LRP1B: variants seen among roughly 807,000 people sequenced by gnomAD.
The protein encoded by LRP1B is LDL receptor related protein 1B, also known as low-density lipoprotein receptor-related protein 1B.
A neutral mutation model predicts 556.6 loss-of-function variants in LRP1B; 217 were observed. The observed-to-expected ratio is 0.39, with a 90% CI of 0.35 to 0.44. The LOEUF (loss-of-function observed/expected upper bound fraction) is 0.44. Among genes scored for constraint, LRP1B ranks in the 20% least tolerant of loss-of-function variants. The pLI is 1.00. For synonymous variants in LRP1B, 2,047 were observed against 1,865.8 expected (o/e 1.10, Z -2.50); for missense variants, 5,053 against 5,620.8 (o/e 0.90, Z 3.23).
At position 141,314,355 on chromosome 2, in the gene LRP1B, A is replaced by G. The variant is rs147526955; in HGVS notation, c.344-59714T>C. Among the ~76,000 whole-genome samples, 3 of 152,316 alleles carry G rather than the reference A, an allele frequency of 2.0e-5. No individual in the cohort carries two copies. In the East Asian group the frequency reaches 5.8e-4, roughly 29 times the overall value. ...ATAATTTCATAGTCACCACTCTTCC[A>G]TATAATTTTAAATGAATTACATTTT... On this transcript the variant is annotated intron_variant, in intron 3 of 90. Coordinates refer to ENST00000389484, the MANE Select transcript of LRP1B (RefSeq NM_018557.3).
rs146851713 is a variant in LRP1B at position 141,568,319 on chromosome 2, A to G, written c.206-87786T>C. Among the ~76,000 whole-genome samples, 156 of 151,292 alleles carry G rather than the reference A, an allele frequency of 1.0e-3. 4 individuals carry two copies. The highest frequency in any genetic ancestry group is 3.5e-3 in the African/African-American group (147 of 41,518). ...AATTAAAAAAATCACTATGCATATG[A>G]CTATTTAAAAAGGAAGGTTAGAGCC... On this transcript the variant is annotated intron_variant, in intron 2 of 90. Transcript: ENST00000389484.
chr2:140,663,441 C>T (rs1685165249), intron 41 of LRP1B, among the ~76,000 whole-genome samples: 1 of 152,172 alleles, frequency 6.6e-6, no homozygotes. Flanking sequence ...AAACTTACTG[C>T]AGCTTCTACA....
chr2:140,513,118 C>T (rs1018538171), intron 51 of LRP1B, among the ~76,000 whole-genome samples: 2 of 151,990 alleles, frequency 1.3e-5, no homozygotes, highest in African/African-American at 4.8e-5. Context: ...ATATAGTGTA[C>T]ATTGGTTATG....
chr2:141,227,898 C>T (rs1014848226), intron 6 of LRP1B, among the ~76,000 whole-genome samples: 3 of 151,872 alleles, frequency 2.0e-5, no homozygotes, highest in Non-Finnish European at 2.9e-5. Flanking sequence ...TCTTCTTTTC[C>T]GCTTGATTGT....
intron 20 of LRP1B, among the ~76,000 whole-genome samples, chr2:140,931,716 TTTAG>T (rs1450411248): frequency 3.3e-5 from 5 of 152,212 alleles, no homozygotes; most frequent in Middle Eastern, 3.4e-3. Flanking sequence ...AAAACATTGA[TTTAG>T]TTAATTAAAA....
At chr2:140,879,437 T>C (rs1693406469) in intron 25 of LRP1B, among the ~76,000 whole-genome samples, 1 of 152,160 alleles carries the variant, frequency 6.6e-6, no homozygotes, top group South Asian at 2.1e-4. Flanking sequence ...GTGATCACTA[T>C]GAGACTAAAA....
chr2:140,769,156 T>A (rs1559107749), intron 35 of LRP1B, 57 bp downstream of exon 35: 1 of 1,478,110 alleles, frequency 6.8e-7, no homozygotes, highest in Non-Finnish European at 9.4e-7. Flanking sequence ...ATTCCCATCA[T>A]GTTTAATAAA....
chr2:140,894,857 C>T (rs1439445871), intron 23 of LRP1B, among the ~76,000 whole-genome samples: 1 of 151,622 alleles, frequency 6.6e-6, no homozygotes, highest in Non-Finnish European at 1.5e-5. Context: ...GGACGAGAAT[C>T]ACTTGAACCT....
At chr2:141,029,621 C>T (rs1352238845) in intron 11 of LRP1B, among the ~76,000 whole-genome samples, 1 of 152,066 alleles carries the variant, frequency 6.6e-6, no homozygotes, top group African/African-American at 2.4e-5. Context: ...AGCTGTGGCA[C>T]AACTCCCTGC....
intron 7 of LRP1B, among the ~76,000 whole-genome samples, chr2:141,108,190 A>G (rs1236926670): frequency 1.3e-5 from 2 of 152,038 alleles, no homozygotes; most frequent in Admixed American, 1.3e-4. Flanking sequence ...TTCTTATATC[A>G]GAACTACAAA....
At chr2:141,077,401 C>T (rs1026069041) in intron 7 of LRP1B, among the ~76,000 whole-genome samples, 6 of 152,118 alleles carry the variant, frequency 3.9e-5, no homozygotes, top group African/African-American at 1.4e-4. Context: ...AGAATTCTTC[C>T]TGTAAAGGTC....
At chr2:141,923,981 T>C (rs953056028) in intron 1 of LRP1B, among the ~76,000 whole-genome samples, 3 of 151,986 alleles carry the variant, frequency 2.0e-5, no homozygotes, top group African/African-American at 7.2e-5. Context: ...GCTATTGATA[T>C]GGACAGGAGA....
At chr2:141,434,228 G>C (rs1445392416) in intron 3 of LRP1B, among the ~76,000 whole-genome samples, 3 of 152,112 alleles carry the variant, frequency 2.0e-5, no homozygotes, top group African/African-American at 7.2e-5. Flanking sequence ...TTATGGGTAT[G>C]TTGGTGCAGT....
At chr2:140,918,936 G>A (rs1694659201) in intron 21 of LRP1B, among the ~76,000 whole-genome samples, 1 of 151,882 alleles carries the variant, frequency 6.6e-6, no homozygotes. Flanking sequence ...AACTAAGATA[G>A]TCTCATTTTC....
At chr2:141,115,325 A>G (rs531936138) in intron 7 of LRP1B, among the ~76,000 whole-genome samples, 63 of 152,312 alleles carry the variant, frequency 4.1e-4, no homozygotes, top group African/African-American at 1.4e-3. Flanking sequence ...GGAATAGACA[A>G]GGATTCAATA....
chr2:140,465,402 G>A (rs1344318093), intron 60 of LRP1B, among the ~76,000 whole-genome samples: 1 of 152,134 alleles, frequency 6.6e-6, no homozygotes, highest in Non-Finnish European at 1.5e-5. Flanking sequence ...TGAGAGAATT[G>A]ATAGAACAGT....
rs1024683751 is a variant in LRP1B, at chr2:141,527,800, A to G, written c.206-47267T>C. Among the ~76,000 whole-genome samples, 3 of 152,236 alleles carry G rather than the reference A, an allele frequency of 2.0e-5. 1 individual carries two copies. The South Asian group carries it at 6.2e-4, about 32-fold the overall frequency. On this transcript the variant is annotated intron_variant, in intron 2 of 90. Coordinates refer to ENST00000389484, the MANE Select transcript of LRP1B (RefSeq NM_018557.3). ...AATGTGTACCTATTTTGCTGTAAATATTTCTAAAATATACTACAGAGCTTT... is the reference window on the plus strand; with the variant it reads ...AATGTGTACCTATTTTGCTGTAAATGTTTCTAAAATATACTACAGAGCTTT...
chr2:141,108,880 C>T (rs1700678878), intron 7 of LRP1B, among the ~76,000 whole-genome samples: 1 of 152,060 alleles, frequency 6.6e-6, no homozygotes, highest in Admixed American at 6.6e-5. Flanking sequence ...ATGATAATAG[C>T]CCTTCTCTGA....
intron 35 of LRP1B, among the ~76,000 whole-genome samples, chr2:140,730,153 G>C (rs1687728142): frequency 1.3e-5 from 2 of 152,034 alleles, no homozygotes; most frequent in African/African-American, 4.8e-5. Context: ...TTTCATTCAG[G>C]TTCTCACCAT....
Sources: gnomAD v4.1 joint callset for allele counts (sites outside exome capture counted in the v4.1 genomes callset) on GRCh38, gnomAD v4.1.1 for gene constraint, MANE v1.5 for transcripts, NCBI Gene and HGNC (gene_info 2026-07-23, HGNC 2026-07-21) for gene names.